The following RILPL2 variants were observed in gnomAD, a reference collection of about 807,000 sequenced individuals.
RILPL2 encodes the protein RILP-like protein 2.
A neutral mutation model predicts 22.2 loss-of-function variants in RILPL2; 19 were observed. The observed-to-expected ratio is 0.86, with a 90% CI of 0.60 to 1.25. The LOEUF (loss-of-function observed/expected upper bound fraction) is 1.25, where lower values mean the gene tolerates loss of function less well. RILPL2 is among the 50% of genes most tolerant of loss of function. The pLI is 0.00. For synonymous variants in RILPL2, 123 were observed against 111.6 expected (o/e 1.10, Z -0.64); for missense variants, 243 against 263.6 (o/e 0.92, Z 0.54).
chr12:123,435,600 A>G (rs1378903614), intron 1 of RILPL2, among the ~76,000 whole-genome samples: 1 of 151,974 alleles, frequency 6.6e-6, no homozygotes, highest in Non-Finnish European at 1.5e-5. Context: ...TTAGCCAGGC[A>G]TGGTGGCACA....
At chr12:123,428,363 C>G (rs1294847952) in intron 2 of RILPL2, among the ~76,000 whole-genome samples, 1 of 152,016 alleles carries the variant, frequency 6.6e-6, no homozygotes, top group Non-Finnish European at 1.5e-5. Context: ...GTCTCGATCT[C>G]CTGACCTTGT....
rs1485820044 is a variant in RILPL2 at position 123,423,130 on chromosome 12, T to C, written c.519A>G (p.Pro173=). ...KSGLIPPREG[P]GGRREKDAVV... ...CAGCATCTTTTTCTCTTCTTCCTCCTGGGCCTTCTCTTGGTGGAATCAGGC... is the reference window on the plus strand; with the variant it reads ...CAGCATCTTTTTCTCTTCTTCCTCCCGGGCCTTCTCTTGGTGGAATCAGGC... Residue 173 remains proline, a synonymous_variant, in exon 3 of 4, where the codon CCA becomes CCG. Coordinates refer to ENST00000280571, the MANE Select transcript of RILPL2 (RefSeq NM_145058.3). 1 of 1,612,938 alleles carries C rather than the reference T, an allele frequency of 6.2e-7. No individual in the cohort carries two copies. The highest frequency in any genetic ancestry group is 8.5e-7 in the Non-Finnish European group (1 of 1,179,420).
At chr12:123,423,774 C>T (rs1879357355) in intron 2 of RILPL2, among the ~76,000 whole-genome samples, 1 of 151,924 alleles carries the variant, frequency 6.6e-6, no homozygotes, top group Non-Finnish European at 1.5e-5. Flanking sequence ...TTGCCTCAGC[C>T]CCCCGAGTAG....
At chr12:123,425,509 C>T (rs1267752943) in intron 2 of RILPL2, among the ~76,000 whole-genome samples, 3 of 151,574 alleles carry the variant, frequency 2.0e-5, no homozygotes, top group Admixed American at 1.3e-4. Flanking sequence ...AAATTCCTGG[C>T]CAGGCTCAGT....
rs772720639 is a variant in RILPL2 at position 123,430,655 on chromosome 12, T to A, written c.344A>T (p.Asn115Ile). The change falls in exon 2 of 4, where the codon AAC becomes ATC. Residue 115 changes from asparagine to isoleucine, a missense_variant. Coordinates refer to ENST00000280571, the MANE Select transcript of RILPL2 (RefSeq NM_145058.3). ...RQSPPASGEV[N>I]LGPNKMVVDL... ...AACCACCATTTTGTTTGGGCCCAGG[T>A]TCACCTGGAAGAAAAGACGCAACCT... The A allele has an allele frequency of 2.5e-6, 4 of 1,583,288 alleles. No individual in the cohort carries two copies. In the South Asian group the frequency reaches 4.6e-5, roughly 18 times the overall value.
At position 123,436,592 on chromosome 12, in the gene RILPL2, G is replaced by T; in HGVS notation, c.-172C>A. 9.1e-7 allele frequency: 1 copy of T among 1,094,684 alleles called. No individual in the cohort carries two copies. Among genetic ancestry groups the T allele is most frequent in the South Asian group, 1.7e-5 (1 of 59,524 alleles). The allele number at this position is 1,094,684 out of a possible 1,614,324, so 67.8% of individuals were successfully genotyped here. On this transcript the variant is annotated 5_prime_UTR_variant, in exon 1 of 4. Transcript: ENST00000280571. The surrounding 1 kb of genome is among the most constrained non-coding windows in gnomAD (Gnocchi z 6.7). Reference sequence around the variant, plus strand: ...GCAAGGGGCCGCGCACGCGACTCTTGGGCCTGCGCCCCGGCGCACCGTCCC... The same window carrying T: ...GCAAGGGGCCGCGCACGCGACTCTTTGGCCTGCGCCCCGGCGCACCGTCCC...
chr12:123,425,904 G>A (rs1257115079), intron 2 of RILPL2, among the ~76,000 whole-genome samples: 2 of 151,198 alleles, frequency 1.3e-5, no homozygotes, highest in Non-Finnish European at 3.0e-5. Flanking sequence ...TGCCTGCCTC[G>A]GCCTCCCAAA....
intron 2 of RILPL2, among the ~76,000 whole-genome samples, chr12:123,425,056 T>C (rs1281534979): frequency 2.6e-5 from 4 of 151,840 alleles, no homozygotes; most frequent in African/African-American, 9.7e-5. Context: ...ATTTTTTGTA[T>C]TTTTAGTAGA....
Position 123,415,857 on chromosome 12 carries a change from A to T in RILPL2, c.*34T>A. The T allele has an allele frequency of 6.2e-7, 1 of 1,612,334 alleles. No individual in the cohort carries two copies. The highest frequency in any genetic ancestry group is 8.5e-7 in the Non-Finnish European group (1 of 1,178,362). On this transcript the variant is annotated 3_prime_UTR_variant, in exon 4 of 4. Coordinates refer to ENST00000280571, the MANE Select transcript of RILPL2 (RefSeq NM_145058.3). ...GGCATCTTGGAAGGTTGTCTTCTAG[A>T]ATCAGAGCCATAGCCTTACTTGTGG...
rs1879100371 is a variant in RILPL2 at position 123,415,801 on chromosome 12, G to A, written c.*90C>T. 1 of 1,231,914 alleles carries A rather than the reference G, an allele frequency of 8.1e-7. No individual in the cohort carries two copies. The highest frequency in any genetic ancestry group is 1.5e-5 in the African/African-American group (1 of 67,512). The allele number at this position is 1,231,914 out of a possible 1,614,324, so 76.3% of individuals were successfully genotyped here. A position where few individuals can be genotyped will look rare whatever the true frequency, so the allele number is the denominator to read the frequency against. On this transcript the variant is annotated 3_prime_UTR_variant, in exon 4 of 4. Coordinates refer to ENST00000280571, the MANE Select transcript of RILPL2 (RefSeq NM_145058.3). ...GGAAATAAATACACAGGCCTAGTGT[G>A]TCTGTGTGGCACAGGGAGGTGGTTT... is the stretch of plus-strand genomic sequence containing the variant.
chr12:123,436,126 C>G lies in RILPL2; in HGVS notation c.295G>C (p.Glu99Gln). The G allele has an allele frequency of 6.3e-7, 1 of 1,594,484 alleles. No individual in the cohort carries two copies. Among genetic ancestry groups the G allele is most frequent in the Non-Finnish European group, 8.5e-7 (1 of 1,171,128 alleles). Reference protein sequence around the residue: ...LKMERDHLRKEVEGLRRQSPP... With the variant: ...LKMERDHLRKQVEGLRRQSPP... ...CTCTGTCTCCGCAGCCCCTCCACCT[C>G]CTTCCTGAGGTGGTCCCTCTCCATC... The change falls in exon 1 of 4, where the codon GAG becomes CAG. Residue 99 changes from glutamate to glutamine, a missense_variant. Physicochemically the swap from Glu to Gln is conservative, Grantham distance 29. Coordinates refer to ENST00000280571, the MANE Select transcript of RILPL2 (RefSeq NM_145058.3). The surrounding 1 kb of genome is among the most constrained non-coding windows in gnomAD (Gnocchi z 6.7).
intron 2 of RILPL2, among the ~76,000 whole-genome samples, chr12:123,430,279 G>GCGT (rs1879593686): frequency 6.6e-6 from 1 of 151,230 alleles, no homozygotes. Context: ...CACGGTGGCG[G>GCGT]GCGCCTGTAG....
chr12:123,430,860 G>A (rs1361515707), intron 1 of RILPL2, among the ~76,000 whole-genome samples: 8 of 152,046 alleles, frequency 5.3e-5, no homozygotes, highest in Admixed American at 2.0e-4. Context: ...CATCACGCCC[G>A]GCTAATTTTT....
At chr12:123,430,372 G>A (rs996293792) in intron 2 of RILPL2, 136 bp downstream of exon 2, 49 of 743,006 alleles carry the variant, frequency 6.6e-5, no homozygotes, top group Non-Finnish European at 8.9e-5. Flanking sequence ...TCGCGCCACT[G>A]CACTCCAGCC....
At chr12:123,428,027 G>T (rs540504693) in intron 2 of RILPL2, among the ~76,000 whole-genome samples, 2 of 152,328 alleles carry the variant, frequency 1.3e-5, no homozygotes, top group African/African-American at 2.4e-5. Context: ...TGTTCTCTGA[G>T]AATTCAAAAC....
At chr12:123,421,296 G>A (rs1413040565) in intron 3 of RILPL2, among the ~76,000 whole-genome samples, 4 of 152,000 alleles carry the variant, frequency 2.6e-5, no homozygotes, top group South Asian at 2.1e-4. Context: ...CACCCACCTC[G>A]GAAGTACTGG....
intron 2 of RILPL2, among the ~76,000 whole-genome samples, chr12:123,429,716 C>T (rs1391612394): frequency 6.6e-6 from 1 of 151,734 alleles, no homozygotes; most frequent in Non-Finnish European, 1.5e-5. Flanking sequence ...AAGTGATTCT[C>T]CTGCCTCAGC....
chr12:123,434,841 A>G (rs1378084386), intron 1 of RILPL2, among the ~76,000 whole-genome samples: 1 of 151,896 alleles, frequency 6.6e-6, no homozygotes, highest in Non-Finnish European at 1.5e-5. Flanking sequence ...TTTGCCTTCT[A>G]TAACTATAAA....
At chr12:123,427,274 C>T (rs1334237242) in intron 2 of RILPL2, among the ~76,000 whole-genome samples, 1 of 152,104 alleles carries the variant, frequency 6.6e-6, no homozygotes, top group Non-Finnish European at 1.5e-5. Context: ...TGAGCTTCCT[C>T]ACAGAATGCT....
Sources: allele counts gnomAD v4.1 joint callset (sites outside exome capture counted in the v4.1 genomes callset), GRCh38; gene constraint gnomAD v4.1.1; non-coding constraint Gnocchi (gnomAD v3.1); transcripts MANE v1.5; gene names NCBI Gene and HGNC (gene_info 2026-07-23, HGNC 2026-07-21).